The following FMN2 variants were observed in gnomAD, a reference collection of about 807,000 sequenced individuals.
FMN2 encodes the protein formin 2.
A neutral mutation model predicts 142.3 loss-of-function variants in FMN2; 51 were observed. The ratio of observed to expected loss-of-function variants is 0.36; its 90% CI spans 0.29 to 0.45. FMN2 has a LOEUF of 0.45. FMN2 is among the 20% of genes least tolerant of loss of function. FMN2 has a pLI of 1.00. For missense variants in FMN2, 1,936 were observed against 2,122.8 expected (o/e 0.91, Z 1.73); for synonymous variants, 882 against 869.8 (o/e 1.01, Z -0.25).
intron 2 of FMN2, among the ~76,000 whole-genome samples, 174 bp downstream of exon 2, chr1:240,123,519 AAAAG>A (rs367749361): frequency 6.6e-6 from 1 of 150,856 alleles, no homozygotes; most frequent in Non-Finnish European, 1.5e-5. Context: ...AAAAAAAAAA[AAAAG>A]AAAGAAAAAA....
intron 2 of FMN2, among the ~76,000 whole-genome samples, chr1:240,164,689 A>G (rs535474838): frequency 6.6e-6 from 1 of 152,332 alleles, no homozygotes; most frequent in East Asian, 1.9e-4. Flanking sequence ...CTTCTTAACA[A>G]AAATAATCTG....
chr1:240,427,523 G>GT (rs1308984942), intron 15 of FMN2, among the ~76,000 whole-genome samples: 1 of 152,084 alleles, frequency 6.6e-6, no homozygotes, highest in Non-Finnish European at 1.5e-5. Flanking sequence ...TTTTATTTTG[G>GT]TTACAGTTTG....
intron 8 of FMN2, among the ~76,000 whole-genome samples, chr1:240,311,490 C>T (rs942490966): frequency 2.0e-5 from 3 of 152,010 alleles, no homozygotes; most frequent in Non-Finnish European, 2.9e-5. Flanking sequence ...CATGGAATCC[C>T]TGCAAGTATG....
At chr1:240,214,726 A>T (rs1224666024) in intron 6 of FMN2, among the ~76,000 whole-genome samples, 1 of 152,052 alleles carries the variant, frequency 6.6e-6, no homozygotes, top group Non-Finnish European at 1.5e-5. Flanking sequence ...AATGTTTGTA[A>T]TGACCCTAAG....
At chr1:240,234,462 T>TGAG (rs1667630521) in intron 6 of FMN2, among the ~76,000 whole-genome samples, 1 of 152,240 alleles carries the variant, frequency 6.6e-6, no homozygotes, top group Admixed American at 6.5e-5. Context: ...TGAGTGCACC[T>TGAG]GAGCATTGTA....
intron 15 of FMN2, among the ~76,000 whole-genome samples, chr1:240,396,769 T>C (rs113920022): frequency 2.6e-5 from 4 of 152,230 alleles, no homozygotes; most frequent in Non-Finnish European, 5.9e-5. Flanking sequence ...TCTGCGTTCC[T>C]GCAAAGGACA....
At position 240,092,133 on chromosome 1, in the gene FMN2, G is replaced by C; in HGVS notation, c.24G>C (p.Leu8=). The change falls in exon 1 of 18, where the codon CTG becomes CTC. Residue 8 remains leucine (L), a synonymous_variant. Transcript: ENST00000319653. Reference sequence around the variant, plus strand: ...CCATGGGGAACCAGGATGGGAAGCTGAAGAGGAGCGCAGGTGATGCTTTGC... The same window carrying C: ...CCATGGGGAACCAGGATGGGAAGCTCAAGAGGAGCGCAGGTGATGCTTTGC... MGNQDGK[L]KRSAGDALHE... 6.4e-7 allele frequency: 1 copy of C among 1,559,258 alleles called. No homozygotes were observed. The highest frequency in any genetic ancestry group is 2.4e-5 in the East Asian group (1 of 42,300).
chr1:240,185,001 C>A (rs749733539), intron 3 of FMN2, among the ~76,000 whole-genome samples: 194 of 134,128 alleles, frequency 1.4e-3, no homozygotes, highest in Middle Eastern at 8.5e-3. Context: ...CCCTCCTATA[C>A]CTTCCCCTTC....
chr1:240,366,132 T>C (rs2103062085), intron 14 of FMN2, among the ~76,000 whole-genome samples: 1 of 152,278 alleles, frequency 6.6e-6, no homozygotes, highest in South Asian at 2.1e-4. Context: ...TATGCATATC[T>C]TATAACCTAA....
At chr1:240,464,577 T>C (rs1676553025) in intron 16 of FMN2, among the ~76,000 whole-genome samples, 1 of 152,148 alleles carries the variant, frequency 6.6e-6, no homozygotes, top group African/African-American at 2.4e-5. Flanking sequence ...GAGTCCTAGA[T>C]TTTAGACTAT....
At chr1:240,358,481 A>G (rs765967773) in intron 14 of FMN2, among the ~76,000 whole-genome samples, 2 of 152,206 alleles carry the variant, frequency 1.3e-5, no homozygotes, top group African/African-American at 4.8e-5. Context: ...TCACACTGCT[A>G]TAAAGAATTG....
intron 16 of FMN2, among the ~76,000 whole-genome samples, chr1:240,445,126 T>C (rs1261485709): frequency 4.6e-5 from 7 of 152,216 alleles, no homozygotes; most frequent in Admixed American, 4.6e-4. Context: ...TAGTGGCCAA[T>C]GGAGGCCGAG....
At chr1:240,396,754 C>T (rs1439866052) in intron 15 of FMN2, among the ~76,000 whole-genome samples, 1 of 152,192 alleles carries the variant, frequency 6.6e-6, no homozygotes, top group South Asian at 2.1e-4. Context: ...TGGTCTCCAG[C>T]TCCATCTGCG....
intron 15 of FMN2, among the ~76,000 whole-genome samples, chr1:240,423,012 T>A (rs1674824550): frequency 6.6e-6 from 1 of 152,172 alleles, no homozygotes; most frequent in African/African-American, 2.4e-5. Context: ...ACCCTGAAGG[T>A]GTAAGTACCA....
intron 6 of FMN2, among the ~76,000 whole-genome samples, chr1:240,212,325 T>C (rs541078520): frequency 2.6e-5 from 4 of 152,160 alleles, no homozygotes; most frequent in African/African-American, 7.2e-5. Context: ...CTGTGACCCG[T>C]AGTTGGCTGG....
chr1:240,204,217 A>G (rs1351519015), intron 4 of FMN2, among the ~76,000 whole-genome samples: 1 of 152,152 alleles, frequency 6.6e-6, no homozygotes, highest in African/African-American at 2.4e-5. Flanking sequence ...TTCAGCTGTC[A>G]GCAAACATCA....
chr1:240,328,874 A>C (rs778239693), intron 8 of FMN2, among the ~76,000 whole-genome samples: 1 of 152,200 alleles, frequency 6.6e-6, no homozygotes, highest in Non-Finnish European at 1.5e-5. Flanking sequence ...TACAGGCATG[A>C]GCCACCACAC....
chr1:240,377,454 T>A (rs1379095712), intron 14 of FMN2, among the ~76,000 whole-genome samples: 2 of 152,172 alleles, frequency 1.3e-5, no homozygotes, highest in Admixed American at 1.3e-4. Flanking sequence ...ATACAAATAA[T>A]AAATTTGTAA....
At chr1:240,384,101 C>T (rs1558464042) in intron 14 of FMN2, among the ~76,000 whole-genome samples, 1 of 151,864 alleles carries the variant, frequency 6.6e-6, no homozygotes, top group Non-Finnish European at 1.5e-5. Context: ...TAAATAATGG[C>T]TACACATGGA....
Sources: allele counts gnomAD v4.1 joint callset (sites outside exome capture counted in the v4.1 genomes callset), GRCh38; gene constraint gnomAD v4.1.1; transcripts MANE v1.5; gene names NCBI Gene and HGNC (gene_info 2026-07-23, HGNC 2026-07-21).